Variants in ATRX observed in about 807,000 individuals in gnomAD.
ATRX encodes chromatin remodeler ATRX.
In ATRX, 12 loss-of-function variants were observed where a neutral mutation model predicts 172.6. That is an observed-to-expected ratio of 0.07 (90% confidence interval 0.04 to 0.11). The LOEUF is 0.11. ATRX is among the 10% of genes least tolerant of loss of function. The pLI is 1.00. For synonymous variants in ATRX, 674 were observed against 594.7 expected (o/e 1.13, Z -1.94); for missense variants, 1,368 against 1,767.4 (o/e 0.77, Z 4.05).
intron 1 of ATRX, among the ~76,000 whole-genome samples, chrX:77,785,571 CT>C (rs1750794853): frequency 1.1e-5 from 1 of 94,942 alleles, no homozygotes; most frequent in Admixed American, 1.2e-4. Context: ...ACCCCTCCCC[CT>C]CTTCTCACCC....
At chrX:77,598,168 G>A (rs1557084963) in intron 25 of ATRX, among the ~76,000 whole-genome samples, 1 of 111,449 alleles carries the variant, frequency 9.0e-6, no homozygotes, top group African/African-American at 3.3e-5. Context: ...TATATACTAA[G>A]TGAATTAACA....
rs144798373 is a variant in ATRX at position 77,587,980 on chromosome X, T to C, written c.6217+1854A>G. Among the ~76,000 whole-genome samples the C allele has an allele frequency of 2.3e-3, 262 of 112,040 alleles. 2 individuals are homozygous for C. The highest frequency in any genetic ancestry group is 7.8e-3 in the African/African-American group (242 of 30,892). ...TTTATAGGAGATTCTAAGGTTGATGTTGAATTCCAAGAGATCTGGAATAGC... is the reference window on the plus strand; with the variant it reads ...TTTATAGGAGATTCTAAGGTTGATGCTGAATTCCAAGAGATCTGGAATAGC... On this transcript the variant is annotated intron_variant, in intron 27 of 34. Transcript: ENST00000373344.
chrX:77,682,230 T>C lies in ATRX; in HGVS notation c.3026A>G (p.Tyr1009Cys), dbSNP rs1294605455. Residue 1009 changes from tyrosine (Y) to cysteine (C), a missense_variant, in exon 9 of 35, where the codon TAT (tyrosine) becomes TGT (cysteine). Physicochemically the swap from Tyr to Cys is radical, Grantham distance 194. Transcript: ENST00000373344. ...KKKVIKMEQQ[Y>C]ESSSDGTEKL... ...TTCAGTGCCATCAGATGAAGATTCA[T>C]ACTGTTGTTCCATTTTAATTACTTT... The C allele has an allele frequency of 8.3e-7, 1 of 1,207,947 alleles. No individual in the cohort carries two copies. The highest frequency in any genetic ancestry group is 1.1e-6 in the Non-Finnish European group (1 of 894,115).
At chrX:77,608,582 T>A (rs1003153159) in intron 22 of ATRX, among the ~76,000 whole-genome samples, 7 of 110,937 alleles carry the variant, frequency 6.3e-5, no homozygotes, top group Non-Finnish European at 1.1e-4. Flanking sequence ...TATATAAAAA[T>A]CATATTCAAA....
chrX:77,703,255 T>C (rs1380656042), intron 2 of ATRX, among the ~76,000 whole-genome samples: 2 of 112,823 alleles, frequency 1.8e-5, no homozygotes, highest in African/African-American at 6.4e-5. Flanking sequence ...CCCGCCTATT[T>C]GGCCTGGCCG....
At chrX:77,727,584 G>T (rs2074103303) in intron 1 of ATRX, among the ~76,000 whole-genome samples, 1 of 104,880 alleles carries the variant, frequency 9.5e-6, no homozygotes, top group Admixed American at 1.1e-4. Flanking sequence ...CACAGGAACA[G>T]AAAACCAAAC....
intron 34 of ATRX, among the ~76,000 whole-genome samples, chrX:77,516,791 G>A (rs990427813): frequency 9.0e-6 from 1 of 111,321 alleles, no homozygotes; most frequent in African/African-American, 3.3e-5. Flanking sequence ...TCTTTTCCTT[G>A]GCACATAAAT....
At chrX:77,661,915 TAG>T (rs1366682030) in intron 12 of ATRX, among the ~76,000 whole-genome samples, 2 of 111,199 alleles carry the variant, frequency 1.8e-5, no homozygotes, top group African/African-American at 6.5e-5. Context: ...CTCCTATCTA[TAG>T]AGCAGCTTAT....
chrX:77,614,736 C>T (rs1557095809), intron 22 of ATRX, among the ~76,000 whole-genome samples: 3 of 111,157 alleles, frequency 2.7e-5, no homozygotes, highest in Non-Finnish European at 5.7e-5. Context: ...ATTTCGAGTC[C>T]TCTCTTCCAG....
chrX:77,737,374 G>T (rs1441350414), intron 1 of ATRX, among the ~76,000 whole-genome samples: 1 of 83,005 alleles, frequency 1.2e-5, no homozygotes, highest in Non-Finnish European at 2.2e-5. Flanking sequence ...AGTGAGCCAA[G>T]ATCGCACCAT....
At chrX:77,692,843 TAG>T (rs1243730650) in intron 6 of ATRX, among the ~76,000 whole-genome samples, 4 of 75,380 alleles carry the variant, frequency 5.3e-5, no homozygotes, top group African/African-American at 1.8e-4. Flanking sequence ...TAGCCAATAT[TAG>T]AGTGTGTGTG....
At chrX:77,579,239 C>T (rs1401566296) in intron 27 of ATRX, among the ~76,000 whole-genome samples, 1 of 112,623 alleles carries the variant, frequency 8.9e-6, no homozygotes, top group African/African-American at 3.2e-5. Context: ...GGGAAAGACC[C>T]AGTACTGGCA....
chrX:77,573,524 A>T (rs1602603522), intron 28 of ATRX, among the ~76,000 whole-genome samples: 1 of 112,147 alleles, frequency 8.9e-6, no homozygotes, highest in African/African-American at 3.2e-5. Context: ...ATCTACAGTT[A>T]ATGATATTAA....
At position 77,574,552 on chromosome X, in the gene ATRX, AATAG is replaced by A. The variant is rs2065540425; in HGVS notation, c.6218-198_6218-195del. Among the ~76,000 whole-genome samples, 3 of 112,193 alleles carry A rather than the reference AATAG, an allele frequency of 2.7e-5. No homozygotes were observed. The South Asian group carries it at 1.1e-3, about 41-fold the overall frequency. ...ATAAATTAACCACAGATTTCATTCA[AATAG>A]ATAGTGATGAGCACAGGTATTTTTA... On this transcript the variant is annotated intron_variant, in intron 27 of 34. Coordinates refer to ENST00000373344, the MANE Select transcript of ATRX (RefSeq NM_000489.6).
rs2147951532 is a variant in ATRX, at chrX:77,558,922, G to C, written c.6327-76C>G. ...TATTTTAATTACAATATGACTTTTT[G>C]ATACTTAGTTTTTTTTTAACTATCA... On this transcript the variant is annotated intron_variant, in intron 28 of 34. Transcript: ENST00000373344. The C allele has an allele frequency of 4.7e-6, 4 of 847,833 alleles. No individual in the cohort carries two copies. The Admixed American group carries it at 1.1e-4, about 24-fold the overall frequency. 69.9% of individuals were successfully genotyped at this position (847,833 alleles called of 1,213,427 possible).
At chrX:77,693,986 T>G (rs782043489) in intron 5 of ATRX, 49 bp from the exon 6 acceptor site, 23 of 984,531 alleles carry the variant, frequency 2.3e-5, no homozygotes, top group Non-Finnish European at 2.0e-5. Flanking sequence ...AATGTGCAAG[T>G]GAAGTACAAG....
chrX:77,765,207 T>C (rs1352506374), intron 1 of ATRX, among the ~76,000 whole-genome samples: 3 of 111,883 alleles, frequency 2.7e-5, no homozygotes, highest in Non-Finnish European at 5.6e-5. Flanking sequence ...AAAAAAACTA[T>C]GTCAATGACA....
chrX:77,522,186 A>T, intron 32 of ATRX, 77 bp downstream of exon 32: 1 of 1,165,435 alleles, frequency 8.6e-7, no homozygotes, highest in Non-Finnish European at 1.2e-6. Flanking sequence ...ATATTTCTGC[A>T]TAGGGAACCC....
chrX:77,697,753 CTAGAA>C, intron 3 of ATRX, 118 bp from the exon 4 acceptor site: 1 of 550,022 alleles, frequency 1.8e-6, no homozygotes, highest in African/African-American at 2.3e-5. Context: ...ATTTATGTGC[CTAGAA>C]TATTTTTCTA....
Sources: gnomAD v4.1 joint callset for allele counts (sites outside exome capture counted in the v4.1 genomes callset) on GRCh38, gnomAD v4.1.1 for gene constraint, MANE v1.5 for transcripts, NCBI Gene and HGNC (gene_info 2026-07-23, HGNC 2026-07-21) for gene names.